Variants in PCP4 observed in about 807,000 individuals in gnomAD.
The protein encoded by PCP4 is calmodulin regulator protein PCP4.
In PCP4, 8 loss-of-function variants were observed where a neutral mutation model predicts 10.0. That is an observed-to-expected ratio of 0.80 (90% CI 0.47 to 1.45). The LOEUF (loss-of-function observed/expected upper bound fraction) is 1.45. PCP4 is among the 40% of genes most tolerant of loss of function. The probability of loss-of-function intolerance (pLI) is 0.00; values close to 1 mark genes in which losing one functional copy is unlikely to be tolerated. For synonymous variants in PCP4, 21 were observed against 23.0 expected, an observed-to-expected ratio of 0.91 and a Z score of 0.24; for missense variants, 54 against 74.4, an observed-to-expected ratio of 0.73 and a Z score of 1.01.
At chr21:39,920,326 TGTG>T (rs1487228423) in intron 2 of PCP4, among the ~76,000 whole-genome samples, 1 of 141,864 alleles carries the variant, frequency 7.0e-6, no homozygotes, top group Non-Finnish European at 1.6e-5. Context: ...TGATGTGTGA[TGTG>T]TGTGTGGTAT....
At chr21:39,889,683 T>C (rs1946683798) in intron 1 of PCP4, among the ~76,000 whole-genome samples, 1 of 152,134 alleles carries the variant, frequency 6.6e-6, no homozygotes, top group African/African-American at 2.4e-5. Flanking sequence ...CCCAAAGTGC[T>C]GGGATTACAG....
chr21:39,889,226 G>A (rs755716075), intron 1 of PCP4, among the ~76,000 whole-genome samples: 1 of 152,062 alleles, frequency 6.6e-6, no homozygotes, highest in Non-Finnish European at 1.5e-5. Context: ...GGCCACATAG[G>A]CAAGTCTACT....
intron 2 of PCP4, among the ~76,000 whole-genome samples, chr21:39,903,772 G>C (rs554216308): frequency 8.6e-5 from 13 of 151,114 alleles, no homozygotes; most frequent in Non-Finnish European, 1.8e-4. Context: ...GGAGGCTGAG[G>C]CAGGAGAATG....
intron 1 of PCP4, among the ~76,000 whole-genome samples, chr21:39,890,769 G>T (rs1487942167): frequency 6.6e-6 from 1 of 152,106 alleles, no homozygotes; most frequent in Non-Finnish European, 1.5e-5. Context: ...GTTTCTTGGA[G>T]CCCTCTTAAA....
At chr21:39,928,381 A>G (rs1258356881) in intron 2 of PCP4, among the ~76,000 whole-genome samples, 1 of 152,156 alleles carries the variant, frequency 6.6e-6, no homozygotes. Context: ...AATTGGTGAA[A>G]TCCCTCCACC....
intron 1 of PCP4, among the ~76,000 whole-genome samples, chr21:39,887,664 G>A (rs1429718816): frequency 1.3e-5 from 2 of 152,112 alleles, no homozygotes; most frequent in South Asian, 2.1e-4. Context: ...CTTCAGCTAC[G>A]TGCTTACCTG....
chr21:39,872,062 G>C (rs1264578017), intron 1 of PCP4, among the ~76,000 whole-genome samples: 1 of 152,192 alleles, frequency 6.6e-6, no homozygotes, highest in Admixed American at 6.5e-5. Context: ...GCAGTAGCGC[G>C]ATCTTGGCTC....
chr21:39,900,286 C>T (rs915481583), intron 2 of PCP4, among the ~76,000 whole-genome samples: 3 of 152,192 alleles, frequency 2.0e-5, no homozygotes, highest in Non-Finnish European at 2.9e-5. Flanking sequence ...CCACCCGCCT[C>T]GGCCCCCCAA....
chr21:39,896,939 C>A (rs934994479), intron 1 of PCP4, among the ~76,000 whole-genome samples: 6 of 152,094 alleles, frequency 3.9e-5, no homozygotes, highest in Admixed American at 1.3e-4. Context: ...GTTCGGTGCT[C>A]TGCTGTTTTT....
intron 1 of PCP4, among the ~76,000 whole-genome samples, chr21:39,895,023 C>T (rs1045134340): frequency 1.3e-5 from 2 of 152,150 alleles, no homozygotes; most frequent in East Asian, 1.9e-4. Context: ...ACCCATTTAT[C>T]TACTCATCTG....
At position 39,889,096 on chromosome 21, in the gene PCP4, G is replaced by C. The variant is rs1055311975; in HGVS notation, c.10-9380G>C. Among the ~76,000 whole-genome samples, 7 of 152,134 alleles carry C rather than the reference G, an allele frequency of 4.6e-5. 1 individual carries two copies. Among genetic ancestry groups the C allele is most frequent in the African/African-American group, 1.7e-4 (7 of 41,420 alleles). On this transcript the variant is annotated intron_variant, in intron 1 of 2. Transcript: ENST00000328619. ...GAGAGGGAACGCCTCTGTGAGCCAGGGGCCTCTGTGGGTCCAGTTGTCCCT... is the reference window on the plus strand; with the variant it reads ...GAGAGGGAACGCCTCTGTGAGCCAGCGGCCTCTGTGGGTCCAGTTGTCCCT...
intron 1 of PCP4, among the ~76,000 whole-genome samples, chr21:39,874,179 C>G (rs556806577): frequency 6.6e-6 from 1 of 152,172 alleles, no homozygotes; most frequent in Non-Finnish European, 1.5e-5. Flanking sequence ...ATTTTCCTCA[C>G]AAAGGAGCTA....
In PCP4 at chr21:39,884,800, A is replaced by AAGAGAGAGAG. The variant is rs3988433; in HGVS notation, c.10-13662_10-13653dup. 1.9e-4 allele frequency among the ~76,000 whole-genome samples: 28 copies of AAGAGAGAGAG among 149,112 alleles called. No individual in the cohort carries two copies. The South Asian group carries it at 3.2e-3, about 17-fold the overall frequency. On this transcript the variant is annotated intron_variant, in intron 1 of 2. Coordinates refer to ENST00000328619, the MANE Select transcript of PCP4 (RefSeq NM_006198.3). ...GTGACAGAGGAGACTCCGTCTTAAA[A>AAGAGAGAGAG]AGAGAGAGAGAGAGAGAGAGAGACA...
chr21:39,905,148 C>A (rs1008005718), intron 2 of PCP4, among the ~76,000 whole-genome samples: 51 of 152,258 alleles, frequency 3.3e-4, no homozygotes, highest in African/African-American at 1.2e-3. Flanking sequence ...ATACCAGAGG[C>A]ACATGGGTGG....
rs951682766 is a variant in PCP4, at chr21:39,929,233, C to T, written c.*122C>T. 5.7e-6 allele frequency: 5 copies of T among 874,008 alleles called. No homozygotes were observed. The highest frequency in any genetic ancestry group is 8.7e-6 in the Non-Finnish European group (5 of 574,472). 54.1% of individuals were successfully genotyped at this position (874,008 alleles called of 1,614,324 possible). A position where few individuals can be genotyped will look rare whatever the true frequency, so the allele number is the denominator to read the frequency against. ...ACACAATCCACACACGCATAGCAAACCTCCAATGCATGTACAGAAACCTGT... is the reference window on the plus strand; with the variant it reads ...ACACAATCCACACACGCATAGCAAATCTCCAATGCATGTACAGAAACCTGT... On this transcript the variant is annotated 3_prime_UTR_variant, in exon 3 of 3. Transcript: ENST00000328619.
intron 2 of PCP4, among the ~76,000 whole-genome samples, chr21:39,905,965 G>A (rs929064092): frequency 2.0e-5 from 3 of 152,190 alleles, no homozygotes; most frequent in African/African-American, 4.8e-5. Flanking sequence ...CAGGAGAATG[G>A]CGTGAACCCA....
intron 2 of PCP4, among the ~76,000 whole-genome samples, chr21:39,912,297 T>C (rs2087543998): frequency 6.8e-6 from 1 of 146,068 alleles, no homozygotes; most frequent in Non-Finnish European, 1.5e-5. Context: ...TATTTCATTG[T>C]TGGTCTTTTG....
At chr21:39,885,509 G>C (rs2837265) in intron 1 of PCP4, among the ~76,000 whole-genome samples, 30,289 of 152,198 alleles carry the variant, frequency 0.2, 3,247 homozygotes, top group South Asian at 0.39. Flanking sequence ...ACAGTTCTGG[G>C]CATGTGGTTG....
Position 39,918,998 on chromosome 21 carries a change from A to AT in PCP4, c.62-9978dup, listed in dbSNP as rs1354646712. 3.9e-5 allele frequency among the ~76,000 whole-genome samples: 6 copies of AT among 152,244 alleles called. 1 individual carries two copies. The highest frequency in any genetic ancestry group is 1.4e-4 in the African/African-American group (6 of 41,540). ...CTACGGGTATAAATTTATTGTTATAATTTTTTTTCCTCTGGAGGAATTGAC... is the reference window on the plus strand; with the variant it reads ...CTACGGGTATAAATTTATTGTTATAATTTTTTTTTCCTCTGGAGGAATTGAC... On this transcript the variant is annotated intron_variant, in intron 2 of 2. Transcript: ENST00000328619.
Sources: allele counts gnomAD v4.1 joint callset (sites outside exome capture counted in the v4.1 genomes callset), GRCh38; gene constraint gnomAD v4.1.1; transcripts MANE v1.5; gene names NCBI Gene and HGNC (gene_info 2026-07-23, HGNC 2026-07-21).